Variants in ASTN2 observed in about 807,000 individuals in gnomAD.
ASTN2 encodes astrotactin-2.
In ASTN2, 54 loss-of-function variants were observed where a neutral mutation model predicts 139.8. That is an observed-to-expected ratio of 0.39 (90% CI 0.31 to 0.48). The LOEUF is 0.48. Among genes scored for constraint, ASTN2 ranks in the 20% least tolerant of loss-of-function variants. ASTN2 has a pLI of 0.95. For synonymous variants in ASTN2, 756 were observed against 719.5 expected (o/e 1.05, Z -0.81); for missense variants, 1,565 against 1,725.1 (o/e 0.91, Z 1.64).
intron 2 of ASTN2, among the ~76,000 whole-genome samples, chr9:117,276,270 A>G (rs1216461550): frequency 6.6e-6 from 1 of 152,180 alleles, no homozygotes; most frequent in Non-Finnish European, 1.5e-5. Context: ...GGAGAAGGCA[A>G]GTAGCTAGCC....
At chr9:117,159,334 A>G (rs947393557) in intron 3 of ASTN2, among the ~76,000 whole-genome samples, 1 of 152,146 alleles carries the variant, frequency 6.6e-6, no homozygotes. Context: ...ATGCCAGCAT[A>G]GACTATCCAA....
At chr9:117,169,363 T>C (rs1830739671) in intron 3 of ASTN2, among the ~76,000 whole-genome samples, 1 of 152,142 alleles carries the variant, frequency 6.6e-6, no homozygotes, top group Admixed American at 6.5e-5. Flanking sequence ...CATTTATAGT[T>C]GTGTGTGAAT....
chr9:117,106,348 C>T (rs10759900), intron 4 of ASTN2, among the ~76,000 whole-genome samples: 78,985 of 151,200 alleles, frequency 0.52, 21,392 homozygotes, highest in African/African-American at 0.7. Flanking sequence ...TGCGTCAGCC[C>T]CTTGAGTAGC....
At chr9:116,496,460 G>A (rs1849672842) in intron 19 of ASTN2, among the ~76,000 whole-genome samples, 1 of 152,156 alleles carries the variant, frequency 6.6e-6, no homozygotes, top group Admixed American at 6.6e-5. Flanking sequence ...AAAGGGCAGA[G>A]TAAGACAGGG....
chr9:116,638,198 A>G (rs1456057692), intron 17 of ASTN2, among the ~76,000 whole-genome samples: 5 of 152,232 alleles, frequency 3.3e-5, no homozygotes, highest in African/African-American at 1.2e-4. Flanking sequence ...GAAAAGCAGA[A>G]AGTAGCAAAA....
At chr9:117,390,398 C>T (rs1250624188) in intron 1 of ASTN2, among the ~76,000 whole-genome samples, 1 of 152,118 alleles carries the variant, frequency 6.6e-6, no homozygotes, top group Non-Finnish European at 1.5e-5. Context: ...TTGTAGTGTA[C>T]ATTCTATGGG....
At chr9:116,712,347 A>G (rs958493544) in intron 16 of ASTN2, among the ~76,000 whole-genome samples, 1 of 152,166 alleles carries the variant, frequency 6.6e-6, no homozygotes, top group African/African-American at 2.4e-5. Context: ...TAGCATTTAC[A>G]TATTTCATGG....
intron 10 of ASTN2, among the ~76,000 whole-genome samples, chr9:116,934,151 C>T (rs112900944): frequency 0.013 from 2,019 of 151,808 alleles, 20 homozygotes; most frequent in Non-Finnish European, 0.019. Context: ...GTATATTTGC[C>T]GAATATCATC....
intron 16 of ASTN2, among the ~76,000 whole-genome samples, chr9:116,663,634 C>T (rs1209623044): frequency 6.6e-6 from 1 of 152,108 alleles, no homozygotes; most frequent in Non-Finnish European, 1.5e-5. Context: ...GATCAATGAG[C>T]CCACTCAACA....
chr9:116,481,535 CAA>C (rs1261464786), intron 20 of ASTN2, among the ~76,000 whole-genome samples: 1 of 152,220 alleles, frequency 6.6e-6, no homozygotes, highest in Non-Finnish European at 1.5e-5. Context: ...TGCAGATTCA[CAA>C]AGTCTATTGC....
chr9:116,604,204 A>G (rs1855067220), intron 19 of ASTN2, among the ~76,000 whole-genome samples: 1 of 152,162 alleles, frequency 6.6e-6, no homozygotes, highest in African/African-American at 2.4e-5. Context: ...ACATTCATGA[A>G]ATGAATGAGT....
intron 1 of ASTN2, among the ~76,000 whole-genome samples, chr9:117,375,705 G>GT (rs1830104481): frequency 6.6e-6 from 1 of 152,162 alleles, no homozygotes; most frequent in South Asian, 2.1e-4. Flanking sequence ...ATGTGTGTGA[G>GT]TTTCCCATTG....
At chr9:116,783,995 C>T (rs530432947) in intron 13 of ASTN2, among the ~76,000 whole-genome samples, 2 of 151,928 alleles carry the variant, frequency 1.3e-5, no homozygotes, top group African/African-American at 4.8e-5. Flanking sequence ...AATAATAATA[C>T]AAATATTAAT....
At position 116,554,949 on chromosome 9, in the gene ASTN2, T is replaced by G. The variant is rs150252064; in HGVS notation, c.3355+63375A>C. Among the ~76,000 whole-genome samples, 411 of 152,298 alleles carry G rather than the reference T, an allele frequency of 2.7e-3. 1 individual carries two copies. The highest frequency in any genetic ancestry group is 9.5e-3 in the African/African-American group (394 of 41,566). ...CAGGAGACACTGTGCTTGTTGATTTTCCAGGGTCTTTCGAGGAGGGAAACT... is the reference window on the plus strand; with the variant it reads ...CAGGAGACACTGTGCTTGTTGATTTGCCAGGGTCTTTCGAGGAGGGAAACT... On this transcript the variant is annotated intron_variant, in intron 19 of 22. Transcript: ENST00000313400.
chr9:117,321,672 A>C (rs1251902427), intron 1 of ASTN2, among the ~76,000 whole-genome samples: 1 of 152,174 alleles, frequency 6.6e-6, no homozygotes, highest in East Asian at 1.9e-4. Context: ...ATTCATCTTA[A>C]ACCAAATAGG....
intron 19 of ASTN2, among the ~76,000 whole-genome samples, chr9:116,587,816 ATAAAG>A (rs1329987590): frequency 1.5e-4 from 23 of 151,078 alleles, no homozygotes; most frequent in African/African-American, 5.4e-4. Context: ...AAAATAGTTT[ATAAAG>A]TAGAATACAT....
chr9:116,613,654 G>C (rs1246286465), intron 19 of ASTN2: 1 of 152,124 alleles, frequency 6.6e-6, no homozygotes, highest in Non-Finnish European at 1.5e-5. Flanking sequence ...CTGCAGAAAA[G>C]GCCTTGGACA....
At chr9:116,694,251 T>A (rs1461759075) in intron 16 of ASTN2, among the ~76,000 whole-genome samples, 1 of 152,296 alleles carries the variant, frequency 6.6e-6, no homozygotes, top group East Asian at 1.9e-4. Flanking sequence ...AATTTGCTGC[T>A]ATTTTTACAA....
chr9:116,984,592 G>C (rs945280307), intron 7 of ASTN2, among the ~76,000 whole-genome samples: 4 of 152,208 alleles, frequency 2.6e-5, no homozygotes, highest in African/African-American at 9.7e-5. Flanking sequence ...AGCAAAGCCT[G>C]AGCCCTGGAG....
Sources: allele counts gnomAD v4.1 joint callset (sites outside exome capture counted in the v4.1 genomes callset), GRCh38; gene constraint gnomAD v4.1.1; transcripts MANE v1.5; gene names NCBI Gene and HGNC (gene_info 2026-07-23, HGNC 2026-07-21).